The following ADARB2 variants were observed in gnomAD, a reference collection of about 807,000 sequenced individuals.
The protein encoded by ADARB2 is adenosine deaminase RNA specific B2 (inactive).
A neutral mutation model predicts 62.2 loss-of-function variants in ADARB2; 25 were observed. That is an observed-to-expected ratio of 0.40 (90% CI 0.29 to 0.56). The LOEUF (loss-of-function observed/expected upper bound fraction) is 0.56. ADARB2 is among the 20% of genes least tolerant of loss of function. ADARB2 has a pLI of 0.43. For missense variants in ADARB2, 1,071 were observed against 1,077.4 expected, an observed-to-expected ratio of 0.99 and a Z score of 0.08; for synonymous variants, 572 against 500.8, an observed-to-expected ratio of 1.14 and a Z score of -1.90.
intron 1 of ADARB2, among the ~76,000 whole-genome samples, chr10:1,489,088 C>T (rs1021475460): frequency 2.0e-5 from 3 of 152,262 alleles, no homozygotes; most frequent in Non-Finnish European, 4.4e-5. Context: ...CCAGATTTCT[C>T]GCGGCTGTGT....
At chr10:1,628,655 T>G (rs1833802495) in intron 1 of ADARB2, among the ~76,000 whole-genome samples, 1 of 152,248 alleles carries the variant, frequency 6.6e-6, no homozygotes, top group South Asian at 2.1e-4. Flanking sequence ...TAAGTCAGTT[T>G]CAAGGAAAAG....
chr10:1,206,697 C>T (rs1039324002), intron 7 of ADARB2, among the ~76,000 whole-genome samples: 3 of 152,216 alleles, frequency 2.0e-5, no homozygotes, highest in African/African-American at 7.2e-5. Context: ...CAGCCCTGCG[C>T]CTCCGTCTCT....
At chr10:1,199,752 G>T in intron 8 of ADARB2, 1 of 491,016 alleles carries the variant, frequency 2.0e-6, no homozygotes. Flanking sequence ...ACACAATCAC[G>T]AATTCACATC....
intron 1 of ADARB2, among the ~76,000 whole-genome samples, chr10:1,652,935 T>C (rs4880900): frequency 0.56 from 84,644 of 151,998 alleles, 24,734 homozygotes; most frequent in East Asian, 0.74. Context: ...TCTGCTCTAC[T>C]CCTCTTCTGC....
chr10:1,471,305 G>A (rs1200307069), intron 1 of ADARB2, among the ~76,000 whole-genome samples: 9 of 152,140 alleles, frequency 5.9e-5, no homozygotes, highest in Non-Finnish European at 1.3e-4. Context: ...CTGTCTCCGT[G>A]TGTCCACTAT....
chr10:1,204,868 G>A (rs1837031418), intron 7 of ADARB2, among the ~76,000 whole-genome samples: 1 of 152,228 alleles, frequency 6.6e-6, no homozygotes, highest in Non-Finnish European at 1.5e-5. Flanking sequence ...CCCTTCGCCA[G>A]CAGCTGTGTT....
chr10:1,288,042 C>T (rs1349520953), intron 3 of ADARB2, among the ~76,000 whole-genome samples: 1 of 152,242 alleles, frequency 6.6e-6, no homozygotes, highest in South Asian at 2.1e-4. Context: ...GCACGCTTGC[C>T]TCTGGGTCAG....
chr10:1,705,164 A>G (rs1466550826), intron 1 of ADARB2, among the ~76,000 whole-genome samples: 1 of 152,270 alleles, frequency 6.6e-6, no homozygotes, highest in African/African-American at 2.4e-5. Flanking sequence ...AGAATGGCTT[A>G]GACCCTAAAG....
chr10:1,344,679 C>A (rs1225293973), intron 3 of ADARB2, among the ~76,000 whole-genome samples: 3 of 152,156 alleles, frequency 2.0e-5, no homozygotes, highest in Admixed American at 2.0e-4. Context: ...GCAACTGGTG[C>A]TAGGAGGGTG....
intron 1 of ADARB2, among the ~76,000 whole-genome samples, chr10:1,464,827 C>T (rs531497107): frequency 2.0e-5 from 3 of 152,180 alleles, no homozygotes; most frequent in East Asian, 3.9e-4. Flanking sequence ...GGGGCAGTCA[C>T]AGCGGGCAGT....
intron 1 of ADARB2, among the ~76,000 whole-genome samples, chr10:1,511,849 G>A (rs1366434301): frequency 6.6e-6 from 1 of 151,834 alleles, no homozygotes; most frequent in Admixed American, 6.6e-5. Flanking sequence ...CATCGATGCT[G>A]TCTACATTAG....
chr10:1,312,401 T>G (rs1158830000), intron 3 of ADARB2, among the ~76,000 whole-genome samples: 1 of 152,236 alleles, frequency 6.6e-6, no homozygotes, highest in East Asian at 1.9e-4. Flanking sequence ...GCAGGTTCAG[T>G]TATTCTGCTG....
At chr10:1,589,643 GT>G (rs1833226009) in intron 1 of ADARB2, among the ~76,000 whole-genome samples, 1 of 152,178 alleles carries the variant, frequency 6.6e-6, no homozygotes, top group African/African-American at 2.4e-5. Flanking sequence ...TCGGCTGCTT[GT>G]CCCCCATCCC....
chr10:1,648,855 G>A (rs1408203016), intron 1 of ADARB2, among the ~76,000 whole-genome samples: 3 of 152,138 alleles, frequency 2.0e-5, no homozygotes, highest in African/African-American at 4.8e-5. Context: ...CACTGTTCTC[G>A]AGGGGCAGTC....
At chr10:1,713,549 G>A (rs1418894261) in intron 1 of ADARB2, among the ~76,000 whole-genome samples, 1 of 152,172 alleles carries the variant, frequency 6.6e-6, no homozygotes, top group African/African-American at 2.4e-5. Context: ...ACTTTCTCAC[G>A]TGGGTTCCAG....
chr10:1,365,455 AG>A (rs1832306104), intron 2 of ADARB2, among the ~76,000 whole-genome samples: 2 of 152,248 alleles, frequency 1.3e-5, no homozygotes, highest in South Asian at 4.2e-4. Context: ...GTTTAGTGAA[AG>A]GAAGAGTCAC....
chr10:1,272,276 G>A (rs376705690), intron 3 of ADARB2, among the ~76,000 whole-genome samples: 1 of 152,178 alleles, frequency 6.6e-6, no homozygotes, highest in Non-Finnish European at 1.5e-5. Context: ...ATTGGGCCTG[G>A]TTTCCACATT....
chr10:1,445,821 G>C (rs1350500305), intron 1 of ADARB2, among the ~76,000 whole-genome samples: 1 of 152,198 alleles, frequency 6.6e-6, no homozygotes, highest in African/African-American at 2.4e-5. Context: ...GATGGAAGGA[G>C]GTTTGTTAAG....
chr10:1,512,775 C>G (rs1831952518), intron 1 of ADARB2, among the ~76,000 whole-genome samples: 1 of 152,174 alleles, frequency 6.6e-6, no homozygotes, highest in Admixed American at 6.5e-5. Context: ...GGAGCAGGTG[C>G]TCTTACGTGT....
Sources: gnomAD v4.1 joint callset for allele counts (sites outside exome capture counted in the v4.1 genomes callset) on GRCh38, gnomAD v4.1.1 for gene constraint, MANE v1.5 for transcripts, NCBI Gene and HGNC (gene_info 2026-07-23, HGNC 2026-07-21) for gene names.